Variants in LPAR1 observed in about 807,000 individuals in gnomAD.
LPAR1 encodes the protein lysophosphatidic acid receptor 1, also known as LPA receptor 1.
A neutral mutation model predicts 23.8 loss-of-function variants in LPAR1; 5 were observed. That is an observed-to-expected ratio of 0.21 (90% CI 0.11 to 0.44). The LOEUF is 0.44. Among genes scored for constraint, LPAR1 ranks in the 20% least tolerant of loss-of-function variants. The pLI is 0.99. For missense variants in LPAR1, 311 were observed against 482.8 expected, an observed-to-expected ratio of 0.64 and a Z score of 3.33; for synonymous variants, 160 against 164.7, an observed-to-expected ratio of 0.97 and a Z score of 0.22.
rs1034518034 is a variant in LPAR1, at chr9:111,038,419, C to A, written c.-514G>T. Reference sequence around the variant, plus strand: ...ATCCGGCCCGCGCTCCGCAGCGGGGCTGGAGACGGAGTCGCCACTCAGGGA... The same window carrying A: ...ATCCGGCCCGCGCTCCGCAGCGGGGATGGAGACGGAGTCGCCACTCAGGGA... On this transcript the variant is annotated 5_prime_UTR_variant, in exon 1 of 6. Coordinates refer to ENST00000683809, the MANE Select transcript of LPAR1 (RefSeq NM_001351411.2). The surrounding 1 kb of genome is among the most constrained non-coding windows in gnomAD (Gnocchi z 4.4). The A allele has an allele frequency of 1.1e-4, 35 of 308,950 alleles. 1 individual carries two copies. The highest frequency in any genetic ancestry group is 1.7e-4 in the Non-Finnish European group (27 of 158,056). 19.1% of individuals were successfully genotyped at this position (308,950 alleles called of 1,614,324 possible).
intron 5 of LPAR1, among the ~76,000 whole-genome samples, chr9:110,938,671 T>G (rs897805612): frequency 1.5e-4 from 22 of 147,626 alleles, no homozygotes; most frequent in Non-Finnish European, 2.7e-4. Flanking sequence ...CTGGGCAACA[T>G]GACAAAACCC....
At chr9:110,882,140 T>A (rs2132572897) in intron 5 of LPAR1, among the ~76,000 whole-genome samples, 1 of 152,358 alleles carries the variant, frequency 6.6e-6, no homozygotes, top group South Asian at 2.1e-4. Context: ...TTTATTATCA[T>A]CACATGCTGA....
intron 5 of LPAR1, among the ~76,000 whole-genome samples, chr9:110,907,478 G>A (rs898822391): frequency 5.3e-5 from 8 of 152,080 alleles, no homozygotes; most frequent in African/African-American, 1.9e-4. Flanking sequence ...CCTGTAAAGG[G>A]AGCATAATCA....
At chr9:110,905,701 A>G (rs1244464493) in intron 5 of LPAR1, among the ~76,000 whole-genome samples, 2 of 152,084 alleles carry the variant, frequency 1.3e-5, no homozygotes, top group Non-Finnish European at 2.9e-5. Context: ...ACCATTTACC[A>G]CAAAAGTTAA....
intron 2 of LPAR1, among the ~76,000 whole-genome samples, chr9:111,003,212 C>G (rs1360862448): frequency 6.6e-6 from 1 of 152,172 alleles, no homozygotes; most frequent in Non-Finnish European, 1.5e-5. Flanking sequence ...TGTTATTAAT[C>G]AGCTGAAATG....
intron 5 of LPAR1, among the ~76,000 whole-genome samples, chr9:110,898,042 G>A (rs941499064): frequency 1.3e-5 from 2 of 152,118 alleles, no homozygotes; most frequent in African/African-American, 4.8e-5. Context: ...GATTTTCACT[G>A]GTCTTCAGAT....
At chr9:110,921,177 G>A (rs2093605251) in intron 5 of LPAR1, among the ~76,000 whole-genome samples, 1 of 152,096 alleles carries the variant, frequency 6.6e-6, no homozygotes, top group South Asian at 2.1e-4. Context: ...AACAGGGTGA[G>A]GTAGGACGAT....
intron 2 of LPAR1, among the ~76,000 whole-genome samples, chr9:110,974,823 C>T (rs1212460076): frequency 6.6e-6 from 1 of 152,122 alleles, no homozygotes. Context: ...TTCAAGATGA[C>T]TGCTAGAGTG....
intron 5 of LPAR1, among the ~76,000 whole-genome samples, chr9:110,916,493 G>T (rs1000810462): frequency 1.3e-5 from 2 of 152,170 alleles, no homozygotes; most frequent in African/African-American, 4.8e-5. Flanking sequence ...CATAGGATAC[G>T]ATTTACTTTT....
intron 5 of LPAR1, among the ~76,000 whole-genome samples, chr9:110,918,034 CT>C (rs1474923438): frequency 2.6e-5 from 4 of 152,120 alleles, no homozygotes; most frequent in African/African-American, 9.7e-5. Context: ...TTCCAAGTAG[CT>C]GGGACAAGAG....
At chr9:110,911,031 T>C (rs762735519) in intron 5 of LPAR1, among the ~76,000 whole-genome samples, 2 of 152,184 alleles carry the variant, frequency 1.3e-5, no homozygotes, top group South Asian at 2.1e-4. Flanking sequence ...TTTGAGAGGA[T>C]TGACTCAGAT....
chr9:110,900,451 T>C (rs921878402), intron 5 of LPAR1, among the ~76,000 whole-genome samples: 1 of 152,226 alleles, frequency 6.6e-6, no homozygotes, highest in Non-Finnish European at 1.5e-5. Flanking sequence ...TTGTAAATGA[T>C]TTCATACCTA....
chr9:110,907,544 C>T (rs374662271), intron 5 of LPAR1, among the ~76,000 whole-genome samples: 7 of 152,162 alleles, frequency 4.6e-5, no homozygotes, highest in African/African-American at 1.7e-4. Flanking sequence ...AGTAAAGCAA[C>T]ATCTATATGA....
At chr9:110,883,320 G>A (rs1165519118) in intron 5 of LPAR1, among the ~76,000 whole-genome samples, 1 of 152,146 alleles carries the variant, frequency 6.6e-6, no homozygotes, top group Non-Finnish European at 1.5e-5. Context: ...ATAGCCATGA[G>A]CCACCGTGCC....
At chr9:110,962,321 G>A (rs2096027025) in intron 4 of LPAR1, among the ~76,000 whole-genome samples, 1 of 152,134 alleles carries the variant, frequency 6.6e-6, no homozygotes, top group African/African-American at 2.4e-5. Flanking sequence ...CTCCTCCACT[G>A]TCTTTACCAG....
chr9:110,933,276 G>A (rs969071599), intron 5 of LPAR1, among the ~76,000 whole-genome samples: 7 of 152,134 alleles, frequency 4.6e-5, no homozygotes, highest in Non-Finnish European at 5.9e-5. Context: ...CAAATTATAC[G>A]TGGACTTGGT....
At chr9:111,009,958 A>G (rs1454538377) in intron 2 of LPAR1, among the ~76,000 whole-genome samples, 1 of 146,666 alleles carries the variant, frequency 6.8e-6, no homozygotes, top group Non-Finnish European at 1.5e-5. Context: ...TATATAGTTT[A>G]CACTTTACAT....
At chr9:110,960,690 A>C (rs569408288) in intron 4 of LPAR1, among the ~76,000 whole-genome samples, 1 of 152,298 alleles carries the variant, frequency 6.6e-6, no homozygotes, top group South Asian at 2.1e-4. Context: ...CCATTAAGAG[A>C]GAGAGGAAGA....
intron 5 of LPAR1, among the ~76,000 whole-genome samples, chr9:110,914,882 C>A (rs139771080): frequency 4.6e-5 from 7 of 152,174 alleles, no homozygotes; most frequent in African/African-American, 1.7e-4. Flanking sequence ...AAGACAACTG[C>A]TAATCTCATA....
Sources: gnomAD v4.1 joint callset for allele counts (sites outside exome capture counted in the v4.1 genomes callset) on GRCh38, gnomAD v4.1.1 for gene constraint, Gnocchi (gnomAD v3.1) non-coding constraint, MANE v1.5 for transcripts, NCBI Gene and HGNC (gene_info 2026-07-23, HGNC 2026-07-21) for gene names.